Variants in BTD observed in about 807,000 individuals in gnomAD.
BTD encodes the protein biotinidase.
In BTD, 13 loss-of-function variants were observed where a neutral mutation model predicts 17.7. The observed-to-expected ratio is 0.74, with a 90% CI of 0.48 to 1.17. The LOEUF is 1.17. Among genes scored for constraint, BTD ranks in the 50% most tolerant of loss-of-function variants. The pLI is 0.00. For synonymous variants in BTD, 240 were observed against 245.2 expected, an observed-to-expected ratio of 0.98 and a Z score of 0.20; for missense variants, 674 against 650.4, an observed-to-expected ratio of 1.04 and a Z score of -0.39.
intron 3 of BTD, among the ~76,000 whole-genome samples, chr3:15,666,691 CA>C (rs2066000229): frequency 6.6e-6 from 1 of 152,114 alleles, no homozygotes; most frequent in Non-Finnish European, 1.5e-5. Flanking sequence ...ATATTTTCAT[CA>C]TCTTTCCATG....
intron 3 of BTD, among the ~76,000 whole-genome samples, chr3:15,643,966 T>TTTAA (rs199961120): frequency 0.044 from 4,661 of 105,190 alleles, 111 homozygotes; most frequent in Non-Finnish European, 0.061. Context: ...AACTCATTTA[T>TTTAA]TTAATTTATT....
At chr3:15,714,501 T>C (rs201055387), downstream of BTD, 20 of 1,038,424 alleles carry the variant, frequency 1.9e-5, no homozygotes, top group South Asian at 2.1e-4. Flanking sequence ...CTCAATACCA[T>C]TCATTTGGTG....
At chr3:15,715,974 C>T (rs1479946725), downstream of BTD, among the ~76,000 whole-genome samples, 1 of 150,984 alleles carries the variant, frequency 6.6e-6, no homozygotes, top group Non-Finnish European at 1.5e-5. Flanking sequence ...AATATTTTAG[C>T]TATGGCCTTT....
chr3:15,720,771 C>T (rs2073643447), intron 4 of BTD: 1 of 760,048 alleles, frequency 1.3e-6, no homozygotes, highest in Non-Finnish European at 2.1e-6. Flanking sequence ...TTGAGTAAGG[C>T]TTTCACTCAG....
intron 3 of BTD, chr3:15,690,242 A>C (rs2068618773): frequency 6.6e-7 from 1 of 1,526,182 alleles, no homozygotes; most frequent in African/African-American, 1.4e-5. Flanking sequence ...TAAAAATGTA[A>C]ATTTAAAACA....
chr3:15,708,141 C>T lies in BTD; in HGVS notation c.400-1919C>T, dbSNP rs1228356562. On this transcript the variant is annotated intron_variant, in intron 3 of 3. Coordinates refer to the BTD transcript ENST00000672141. Reference sequence around the variant, plus strand: ...TAAACAAAAGCATAGTTGACTCTTACTCCTCCCAGTTACAAATACTTTATT... The same window carrying T: ...TAAACAAAAGCATAGTTGACTCTTATTCCTCCCAGTTACAAATACTTTATT... The T allele has an allele frequency of 2.1e-6, 3 of 1,463,232 alleles. No individual in the cohort carries two copies. In the African/African-American group the frequency reaches 4.2e-5, roughly 21 times the overall value. 90.6% of individuals were successfully genotyped at this position (1,463,232 alleles called of 1,614,324 possible).
chr3:15,703,379 T>C (rs1190808084), intron 3 of BTD, among the ~76,000 whole-genome samples: 3 of 152,214 alleles, frequency 2.0e-5, no homozygotes, highest in Non-Finnish European at 4.4e-5. Context: ...CATGGTGAAA[T>C]TCCAACCTCA....
chr3:15,635,511 C>T lies in BTD; in HGVS notation c.72C>T (p.Thr24=), dbSNP rs765550405. Residue 24 remains threonine, a synonymous_variant, in exon 2 of 4, where the codon ACC becomes ACT. Transcript: ENST00000643237. This position sits in a 1 kb window ranked among gnomAD's most constrained non-coding sequence, Gnocchi z 4.1. ...GCYVVALGAH[T]GEESVADHHE... ...ACGTGGTTGCCCTGGGAGCCCACAC[C>T]GGGGAGGAGAGCGTGGCTGACCATC... The T allele has an allele frequency of 1.9e-5, 31 of 1,614,116 alleles. No homozygotes were observed. The highest frequency in any genetic ancestry group is 4.4e-5 in the South Asian group (4 of 91,074).
chr3:15,700,192 A>C (rs1266664292), intron 3 of BTD, among the ~76,000 whole-genome samples: 4 of 152,326 alleles, frequency 2.6e-5, no homozygotes, highest in East Asian at 3.9e-4. Flanking sequence ...CAAGGAGAAC[A>C]CATGGAGGGG....
upstream of BTD, chr3:15,601,440 C>G (rs757912260): frequency 2.7e-5 from 44 of 1,613,668 alleles, no homozygotes; most frequent in Non-Finnish European, 3.6e-5. Context: ...CCTCGCTGCG[C>G]TCTGCGAAGT....
At chr3:15,621,794 T>A (rs2125397003) in intron 1 of BTD, among the ~76,000 whole-genome samples, 1 of 152,244 alleles carries the variant, frequency 6.6e-6, no homozygotes, top group Non-Finnish European at 1.5e-5. Flanking sequence ...GAGATGGGGT[T>A]TCACCATGTT....
At position 15,709,718 on chromosome 3, in the gene BTD, G is replaced by A. The variant is rs758261811; in HGVS notation, c.400-342G>A. 1.1e-5 allele frequency: 17 copies of A among 1,574,872 alleles called. No homozygotes were observed. The South Asian group carries it at 1.9e-4, about 17-fold the overall frequency. On this transcript the variant is annotated intron_variant, in intron 3 of 3. Coordinates refer to the BTD transcript ENST00000672141. Reference sequence around the variant, plus strand: ...AGTCTGCACCAGTATTCAGCAGAAGGTTTAGGCACTCCAAATTCCTATTGA... The same window carrying A: ...AGTCTGCACCAGTATTCAGCAGAAGATTTAGGCACTCCAAATTCCTATTGA...
rs533490540 is a variant in BTD, at chr3:15,650,703, T to C, written c.*5215T>C. ...CAGTCCCTAATTAAAGTCTCAGAGA[T>C]GAACAACCTGGGCTCTTGCTTAGGG... On this transcript the variant is annotated 3_prime_UTR_variant, in exon 4 of 4. Transcript: ENST00000643237. Among the ~76,000 whole-genome samples, 11 of 152,328 alleles carry C rather than the reference T, an allele frequency of 7.2e-5. No individual in the cohort carries two copies. In the South Asian group the frequency reaches 2.3e-3, roughly 32 times the overall value.
intron 3 of BTD, among the ~76,000 whole-genome samples, chr3:15,680,145 C>T (rs747989235): frequency 7.9e-5 from 12 of 151,886 alleles, no homozygotes; most frequent in Non-Finnish European, 1.2e-4. Context: ...TGTTTAATTC[C>T]GCAACTTGCC....
At chr3:15,698,089 G>A (rs1012005412) in intron 3 of BTD, among the ~76,000 whole-genome samples, 8 of 151,826 alleles carry the variant, frequency 5.3e-5, no homozygotes, top group African/African-American at 1.7e-4. Context: ...TTCCCTTTAT[G>A]TGTCTATTTG....
Position 15,649,956 on chromosome 3 carries a change from A to G in BTD, c.*4468A>G, listed in dbSNP as rs1441447102. 1.3e-5 allele frequency among the ~76,000 whole-genome samples: 2 copies of G among 152,238 alleles called. No individual in the cohort carries two copies. Among genetic ancestry groups the G allele is most frequent in the Non-Finnish European group, 2.9e-5 (2 of 68,040 alleles). ...AGAAGGTTTGCTACAGCTATTTTAC[A>G]GATGGGGAAAACTGACAGAGAGATA... On this transcript the variant is annotated 3_prime_UTR_variant, in exon 4 of 4. Transcript: ENST00000643237.
chr3:15,648,967 C>T lies in BTD; in HGVS notation c.*3479C>T, dbSNP rs1443393641. Among the ~76,000 whole-genome samples, 2 of 152,186 alleles carry T rather than the reference C, an allele frequency of 1.3e-5. No homozygotes were observed. The highest frequency in any genetic ancestry group is 4.8e-5 in the African/African-American group (2 of 41,436). On this transcript the variant is annotated 3_prime_UTR_variant, in exon 4 of 4. Coordinates refer to ENST00000643237, the MANE Select transcript of BTD (RefSeq NM_001370658.1). Reference sequence around the variant, plus strand: ...AATTAGAAGAGGCAAGAAACAACTCCCCACACACAACCCACCCCTGCAGGT... The same window carrying T: ...AATTAGAAGAGGCAAGAAACAACTCTCCACACACAACCCACCCCTGCAGGT...
At position 15,641,487 on chromosome 3, in the gene BTD, C is replaced by G. The variant is rs192532106; in HGVS notation, c.250-421C>G. Among the ~76,000 whole-genome samples, 490 of 152,330 alleles carry G rather than the reference C, an allele frequency of 3.2e-3. 2 individuals carry two copies. The highest frequency in any genetic ancestry group is 1.9e-3 in the Non-Finnish European group (130 of 68,034). ...TTAAATGCACAATGGAAGTTGACAACCACCAGACTGAAGATACCACGTGTG... is the reference window on the plus strand; with the variant it reads ...TTAAATGCACAATGGAAGTTGACAAGCACCAGACTGAAGATACCACGTGTG... On this transcript the variant is annotated intron_variant, in intron 2 of 3. Transcript: ENST00000643237.
At chr3:15,681,136 G>T (rs1478733817) in intron 3 of BTD, among the ~76,000 whole-genome samples, 2 of 152,014 alleles carry the variant, frequency 1.3e-5, no homozygotes, top group Admixed American at 6.6e-5. Context: ...GTACAAAATG[G>T]TTTATTTGTG....
Sources: allele counts gnomAD v4.1 joint callset (sites outside exome capture counted in the v4.1 genomes callset), GRCh38; gene constraint gnomAD v4.1.1; non-coding constraint Gnocchi (gnomAD v3.1); transcripts MANE v1.5; gene names NCBI Gene and HGNC (gene_info 2026-07-23, HGNC 2026-07-21).